The following KCTD16 variants were observed in gnomAD, a reference collection of about 807,000 sequenced individuals.
KCTD16 encodes the protein potassium channel tetramerization domain containing 16, also known as BTB/POZ domain-containing protein KCTD16.
In KCTD16, 13 loss-of-function variants were observed where a neutral mutation model predicts 33.2. That is an observed-to-expected ratio of 0.39 (90% CI 0.25 to 0.62). KCTD16 has a LOEUF of 0.62. KCTD16 is among the 20% of genes least tolerant of loss of function. The pLI, the probability that KCTD16 is intolerant of heterozygous loss-of-function variation, is 0.50. For missense variants in KCTD16, 441 were observed against 525.1 expected (o/e 0.84, Z 1.57); for synonymous variants, 197 against 195.3 (o/e 1.01, Z -0.07).
chr5:144,244,241 A>G, intron 3 of KCTD16, among the ~76,000 whole-genome samples: 1 of 152,120 alleles, frequency 6.6e-6, no homozygotes, highest in South Asian at 2.1e-4. Flanking sequence ...ATAAAAAGAG[A>G]TGGTTTGGTC....
chr5:144,286,124 C>G (rs996222761), intron 3 of KCTD16, among the ~76,000 whole-genome samples: 1 of 151,844 alleles, frequency 6.6e-6, no homozygotes, highest in African/African-American at 2.4e-5. Flanking sequence ...GTTTTTTTCG[C>G]TTTGTTTTTA....
chr5:144,171,579 C>T (rs528318548), intron 1 of KCTD16, among the ~76,000 whole-genome samples: 1 of 152,306 alleles, frequency 6.6e-6, no homozygotes, highest in South Asian at 2.1e-4. Flanking sequence ...AACCAACCAC[C>T]ACCACCATCA....
At chr5:144,186,777 T>C (rs975868904) in intron 2 of KCTD16, among the ~76,000 whole-genome samples, 5 of 152,186 alleles carry the variant, frequency 3.3e-5, no homozygotes, top group Non-Finnish European at 7.4e-5. Context: ...ACTAGAAATG[T>C]AACATTAGCT....
chr5:144,276,330 T>C (rs560099764), intron 3 of KCTD16, among the ~76,000 whole-genome samples: 9 of 152,312 alleles, frequency 5.9e-5, no homozygotes, highest in African/African-American at 2.2e-4. Context: ...AGTTCACTTA[T>C]TTGCCTTTAG....
chr5:144,236,788 T>C lies in KCTD16; in HGVS notation c.832+29242T>C, dbSNP rs148547963. Among the ~76,000 whole-genome samples, 996 of 152,224 alleles carry C rather than the reference T, an allele frequency of 6.5e-3. 7 individuals are homozygous for C. Among genetic ancestry groups the C allele is most frequent in the Non-Finnish European group, 0.01 (681 of 67,986 alleles). On this transcript the variant is annotated intron_variant, in intron 3 of 3. Coordinates refer to ENST00000512467, the MANE Select transcript of KCTD16 (RefSeq NM_020768.4). Reference sequence around the variant, plus strand: ...ACATTGGTCTGAGAGAAAGGAGATTTTTCTGTTACTCACTGGATGGTGGTT... The same window carrying C: ...ACATTGGTCTGAGAGAAAGGAGATTCTTCTGTTACTCACTGGATGGTGGTT...
chr5:144,335,416 G>T (rs1752461839), intron 3 of KCTD16, among the ~76,000 whole-genome samples: 1 of 152,204 alleles, frequency 6.6e-6, no homozygotes. Context: ...AACTATACGT[G>T]TGATAATGGC....
chr5:144,437,747 A>C (rs1259921781), intron 3 of KCTD16, among the ~76,000 whole-genome samples: 1 of 152,118 alleles, frequency 6.6e-6, no homozygotes, highest in Non-Finnish European at 1.5e-5. Flanking sequence ...ATTAGTATAG[A>C]TCATTATTAT....
intron 3 of KCTD16, among the ~76,000 whole-genome samples, chr5:144,271,648 C>T (rs986232682): frequency 1.3e-5 from 2 of 151,724 alleles, no homozygotes; most frequent in Admixed American, 6.6e-5. Flanking sequence ...AAGTTTTAGC[C>T]AGAGCAGTTA....
chr5:144,197,712 G>A (rs1367872610), intron 2 of KCTD16, among the ~76,000 whole-genome samples: 2 of 152,128 alleles, frequency 1.3e-5, no homozygotes, highest in East Asian at 1.9e-4. Flanking sequence ...AAAGGACCTC[G>A]GAATCAGACA....
chr5:144,464,919 AT>A (rs1384824806), intron 3 of KCTD16, among the ~76,000 whole-genome samples: 2 of 152,148 alleles, frequency 1.3e-5, no homozygotes, highest in African/African-American at 2.4e-5. Flanking sequence ...TCTCCCAAAA[AT>A]ATATGCATTT....
chr5:144,423,396 T>C (rs1753253351), intron 3 of KCTD16, among the ~76,000 whole-genome samples: 1 of 152,136 alleles, frequency 6.6e-6, no homozygotes, highest in South Asian at 2.1e-4. Context: ...TGTCAGAGAA[T>C]ATTACAGGCA....
rs10589565 is a variant in KCTD16 at position 144,299,044 on chromosome 5, CTATATA to C, written c.832+91522_832+91527del. On this transcript the variant is annotated intron_variant, in intron 3 of 3. Transcript: ENST00000512467. ...TGCTATGAATAAGTAAAACAGATCACTATATATATATATATATATATATATATATTT... is the reference window on the plus strand; with the variant it reads ...TGCTATGAATAAGTAAAACAGATCACTATATATATATATATATATATATTT... Among the ~76,000 whole-genome samples, 225 of 35,952 alleles carry C rather than the reference CTATATA, an allele frequency of 6.3e-3. 10 individuals carry two copies. The highest frequency in any genetic ancestry group is 0.023 in the Middle Eastern group (1 of 44). The allele number at this position is 35,952 out of a possible 152,430, so 23.6% of individuals were successfully genotyped here. A position where few individuals can be genotyped will look rare whatever the true frequency, so the allele number is the denominator to read the frequency against.
chr5:144,407,432 G>A (rs1027730700), intron 3 of KCTD16, among the ~76,000 whole-genome samples: 8 of 151,908 alleles, frequency 5.3e-5, no homozygotes, highest in African/African-American at 9.7e-5. Context: ...GGTTATATAG[G>A]TAAATTGCAA....
rs965567328 is a variant in KCTD16 at position 144,475,928 on chromosome 5, A to C, written c.*1814A>C. 2 of 152,224 alleles carry C rather than the reference A, an allele frequency of 1.3e-5. No homozygotes were observed. The highest frequency in any genetic ancestry group is 2.9e-5 in the Non-Finnish European group (2 of 68,040). The allele number at this position is 152,224 out of a possible 1,614,324, so 9.4% of individuals were successfully genotyped here. A position where few individuals can be genotyped will look rare whatever the true frequency, so the allele number is the denominator to read the frequency against. ...GTCCTGAAGGTTTGAATGGAGTTGAAAGTTTTACATAAGTGAAAAAGAAAG... is the reference window on the plus strand; with the variant it reads ...GTCCTGAAGGTTTGAATGGAGTTGACAGTTTTACATAAGTGAAAAAGAAAG... On this transcript the variant is annotated 3_prime_UTR_variant, in exon 4 of 4. Transcript: ENST00000512467.
chr5:144,263,131 T>A (rs1490120617), intron 3 of KCTD16, among the ~76,000 whole-genome samples: 1 of 152,214 alleles, frequency 6.6e-6, no homozygotes, highest in African/African-American at 2.4e-5. Context: ...ACCTTAGTAA[T>A]CATTATAATG....
intron 2 of KCTD16, among the ~76,000 whole-genome samples, chr5:144,178,483 C>A (rs938392640): frequency 6.6e-6 from 1 of 152,060 alleles, no homozygotes; most frequent in African/African-American, 2.4e-5. Flanking sequence ...TAATTAAATT[C>A]TGCACACTTA....
intron 3 of KCTD16, among the ~76,000 whole-genome samples, chr5:144,327,399 C>CT (rs1451303122): frequency 6.6e-6 from 1 of 152,050 alleles, no homozygotes; most frequent in African/African-American, 2.4e-5. Context: ...CAACTATTAC[C>CT]TTTTTTGGAT....
At chr5:144,364,007 T>G (rs1213296214) in intron 3 of KCTD16, among the ~76,000 whole-genome samples, 1 of 152,222 alleles carries the variant, frequency 6.6e-6, no homozygotes, top group East Asian at 1.9e-4. Flanking sequence ...TTGTGTAATT[T>G]AGTTCTATAG....
chr5:144,396,913 T>TATATAG (rs1554092366), intron 3 of KCTD16, among the ~76,000 whole-genome samples: 1 of 16,598 alleles, frequency 6.0e-5, no homozygotes, highest in African/African-American at 8.0e-4. Context: ...CTTTATTTAT[T>TATATAG]ATATATATAT....
Sources: gnomAD v4.1 joint callset for allele counts (sites outside exome capture counted in the v4.1 genomes callset) on GRCh38, gnomAD v4.1.1 for gene constraint, MANE v1.5 for transcripts, NCBI Gene and HGNC (gene_info 2026-07-23, HGNC 2026-07-21) for gene names.